Variants in ANKAR observed in about 807,000 individuals in gnomAD.
ANKAR encodes ankyrin and armadillo repeat containing.
A neutral mutation model predicts 146.2 loss-of-function variants in ANKAR; 136 were observed. The ratio of observed to expected loss-of-function variants is 0.93; its 90% CI spans 0.81 to 1.07. The LOEUF is 1.07. Ranked by LOEUF, ANKAR falls within the 50% of genes least tolerant of loss-of-function variation. ANKAR has a pLI of 0.00. For missense variants in ANKAR, 1,567 were observed against 1,679.9 expected (o/e 0.93, Z 1.18); for synonymous variants, 500 against 575.8 (o/e 0.87, Z 1.88).
downstream of ANKAR, among the ~76,000 whole-genome samples, chr2:189,751,351 T>C (rs1036682397): frequency 1.3e-5 from 2 of 152,080 alleles, no homozygotes; most frequent in African/African-American, 4.8e-5. Context: ...CTTCCGGTAC[T>C]ACTAACTCAA....
rs144692012 is a variant in ANKAR at position 189,676,806 on chromosome 2, G to A, written c.316G>A (p.Glu106Lys). Reference protein sequence around the residue: ...DYREVHQMIRELAIGIYCLNQ... With the variant: ...DYREVHQMIRKLAIGIYCLNQ... Reference sequence around the variant, plus strand: ...TAGAGAGGTCCATCAAATGATAAGAGAGTTGGCTATTGGAATTTATTGCCT... The same window carrying A: ...TAGAGAGGTCCATCAAATGATAAGAAAGTTGGCTATTGGAATTTATTGCCT... The change falls in exon 2 of 23, where the codon GAG (glutamate) becomes AAG (lysine). Residue 106 changes from glutamate (E) to lysine (K), a missense_variant. Coordinates refer to ENST00000684021, the MANE Select transcript of ANKAR (RefSeq NM_001378068.1). 34 of 1,614,168 alleles carry A rather than the reference G, an allele frequency of 2.1e-5. No individual in the cohort carries two copies. The African/African-American group carries it at 3.2e-4, about 15-fold the overall frequency.
intron 18 of ANKAR, chr2:189,752,574 A>G: frequency 1.5e-6 from 2 of 1,357,072 alleles, no homozygotes; most frequent in Non-Finnish European, 2.1e-6. Flanking sequence ...GTCAATGAAA[A>G]CCTCATATAT....
At chr2:189,751,866 C>A (rs1388139577) in intron 18 of ANKAR, among the ~76,000 whole-genome samples, 1 of 151,592 alleles carries the variant, frequency 6.6e-6, no homozygotes, top group African/African-American at 2.4e-5. Flanking sequence ...GAAAAACCAG[C>A]CAGGTGTGGT....
intron 18 of ANKAR, chr2:189,754,447 CTGAA>C: frequency 1.8e-6 from 2 of 1,092,064 alleles, no homozygotes. Flanking sequence ...CAAAAAACCC[CTGAA>C]TGAATAAAAC....
At chr2:189,706,850 A>T (rs780057153) in intron 8 of ANKAR, 88 bp from the exon 9 acceptor site, 12 of 936,294 alleles carry the variant, frequency 1.3e-5, no homozygotes, top group Non-Finnish European at 1.8e-5. Flanking sequence ...TGTAAGTCAG[A>T]CTACCTCCAA....
intron 12 of ANKAR, among the ~76,000 whole-genome samples, chr2:189,724,227 C>G (rs1003663414): frequency 6.6e-6 from 1 of 152,134 alleles, no homozygotes; most frequent in Non-Finnish European, 1.5e-5. Flanking sequence ...CCCCCACACT[C>G]TCTTAATTTT....
chr2:189,755,048 AT>A (rs2045898970), intron 18 of ANKAR: 4 of 1,170,874 alleles, frequency 3.4e-6, no homozygotes, highest in Non-Finnish European at 4.7e-6. Context: ...CCATATGTGA[AT>A]TTTTTTCAGT....
intron 19 of ANKAR, 70 bp downstream of exon 19, chr2:189,738,752 A>G: frequency 1.0e-6 from 1 of 963,794 alleles, no homozygotes; most frequent in South Asian, 1.6e-5. Context: ...TGTAATCTGA[A>G]TAATAATAAA....
intron 6 of ANKAR, 91 bp from the exon 7 acceptor site, chr2:189,696,059 G>A (rs148327010): frequency 9.1e-7 from 1 of 1,101,816 alleles, no homozygotes; most frequent in Non-Finnish European, 1.3e-6. Context: ...CAGCATTCAT[G>A]TGATTCTGTT....
chr2:189,757,709 G>A (rs2046290649), intron 18 of ANKAR, among the ~76,000 whole-genome samples: 2 of 152,164 alleles, frequency 1.3e-5, no homozygotes, highest in South Asian at 4.1e-4. Flanking sequence ...ATGGTGAGCT[G>A]TTCAAAGGCA....
At chr2:189,755,679 T>C in intron 18 of ANKAR, 1 of 1,092,292 alleles carries the variant, frequency 9.2e-7, no homozygotes. Flanking sequence ...AGTCAAGTAT[T>C]TTCTAATTGT....
chr2:189,743,692 A>G (rs940838443), intron 21 of ANKAR, among the ~76,000 whole-genome samples: 8 of 152,226 alleles, frequency 5.3e-5, no homozygotes, highest in African/African-American at 1.9e-4. Flanking sequence ...TCTAGATCTT[A>G]GAGATCCTCT....
At chr2:189,745,608 C>T (rs2044044560) in intron 22 of ANKAR, among the ~76,000 whole-genome samples, 1 of 152,142 alleles carries the variant, frequency 6.6e-6, no homozygotes, top group Non-Finnish European at 1.5e-5. Flanking sequence ...ATATAAATTA[C>T]TTGTTAATTT....
rs7577159 is a variant in ANKAR, at chr2:189,711,232, A to G, written c.2224+79A>G. ...TTATTCATCAGTCATTTTTAAATAT[A>G]TTTTTAATTGTAAAGGAAAAATTTT... On this transcript the variant is annotated intron_variant, in intron 10 of 22. Transcript: ENST00000684021. 8,517 of 1,120,142 alleles carry G rather than the reference A, an allele frequency of 7.6e-3. 517 individuals carry two copies. The African/African-American group carries it at 0.13, about 16-fold the overall frequency. 69.4% of individuals were successfully genotyped at this position (1,120,142 alleles called of 1,614,324 possible).
At chr2:189,741,596 G>GTT in intron 20 of ANKAR, 145 bp downstream of exon 20, 1 of 475,216 alleles carries the variant, frequency 2.1e-6, no homozygotes, top group South Asian at 4.0e-5. Context: ...ACATGACTGT[G>GTT]TTATATATAT....
chr2:189,761,661 C>A, downstream of ANKAR: 1 of 1,518,134 alleles, frequency 6.6e-7, no homozygotes, highest in Non-Finnish European at 8.8e-7. Context: ...TAGATAATTC[C>A]TGAAAAAGAA....
At chr2:189,684,414 TCTTC>T (rs1487713749) in intron 2 of ANKAR, among the ~76,000 whole-genome samples, 1 of 152,256 alleles carries the variant, frequency 6.6e-6, no homozygotes, top group African/African-American at 2.4e-5. Flanking sequence ...TTCATTTCTT[TCTTC>T]CTTATTAGAC....
At chr2:189,736,494 A>T (rs2042844853) in intron 17 of ANKAR, among the ~76,000 whole-genome samples, 3 of 13,650 alleles carry the variant, frequency 2.2e-4, no homozygotes, top group East Asian at 3.3e-3. Flanking sequence ...TATTTAGGTG[A>T]CTGGGTTTTG....
rs142352023 is a variant in ANKAR, at chr2:189,728,034, C to T, written c.2814C>T (p.Asn938=). Residue 938 remains asparagine (N), a synonymous_variant, in exon 13 of 23, where the codon AAC becomes AAT. Coordinates refer to ENST00000684021, the MANE Select transcript of ANKAR (RefSeq NM_001378068.1). ...AMAVESLASH[N]ALIQKAFLEK... is the part of the protein sequence containing the mutation. ...CTGTGGAATCACTGGCAAGTCACAA[C>T]GCTCTTATACAGAAAGCATTTCTGG... is the stretch of plus-strand genomic sequence containing the variant. 2.3e-3 allele frequency: 3,748 copies of T among 1,613,836 alleles called. 77 individuals carry two copies. The Admixed American group carries it at 0.047, about 20-fold the overall frequency.
Sources: gnomAD v4.1 joint callset for allele counts (sites outside exome capture counted in the v4.1 genomes callset) on GRCh38, gnomAD v4.1.1 for gene constraint, MANE v1.5 for transcripts, NCBI Gene and HGNC (gene_info 2026-07-23, HGNC 2026-07-21) for gene names.